Variants in UVRAG observed in about 807,000 individuals in gnomAD.
The protein encoded by UVRAG is UV radiation resistance-associated gene protein.
In UVRAG, 19 loss-of-function variants were observed where a neutral mutation model predicts 78.0. The ratio of observed to expected loss-of-function variants is 0.24; its 90% CI spans 0.17 to 0.36. UVRAG has a LOEUF of 0.36. Among genes scored for constraint, UVRAG ranks in the 10% least tolerant of loss-of-function variants. UVRAG has a pLI of 1.00. For missense variants in UVRAG, 740 were observed against 853.8 expected, an observed-to-expected ratio of 0.87 and a Z score of 1.66; for synonymous variants, 323 against 324.6, an observed-to-expected ratio of 1.00 and a Z score of 0.05.
intron 6 of UVRAG, chr11:75,916,121 C>T (rs1481768919): frequency 6.6e-6 from 1 of 151,892 alleles, no homozygotes; most frequent in Non-Finnish European, 1.5e-5. Context: ...TTTTTTTCCC[C>T]TTCTTCTTCA....
chr11:76,116,582 GGA>G (rs1952184580), intron 14 of UVRAG, among the ~76,000 whole-genome samples: 1 of 152,210 alleles, frequency 6.6e-6, no homozygotes, highest in African/African-American at 2.4e-5. Context: ...GAAAAGAGAA[GGA>G]GAGAGGGGAA....
intron 3 of UVRAG, among the ~76,000 whole-genome samples, chr11:75,870,672 A>G (rs1306385408): frequency 6.6e-6 from 1 of 152,214 alleles, no homozygotes; most frequent in Non-Finnish European, 1.5e-5. Flanking sequence ...GACATACATC[A>G]GGAAGAGATG....
chr11:75,939,976 A>G (rs1948451355), intron 6 of UVRAG, among the ~76,000 whole-genome samples: 1 of 152,212 alleles, frequency 6.6e-6, no homozygotes, highest in Non-Finnish European at 1.5e-5. Context: ...ACACTATACC[A>G]AAAACTTAAA....
At chr11:76,061,570 A>G (rs1028608879) in intron 12 of UVRAG, among the ~76,000 whole-genome samples, 2 of 151,962 alleles carry the variant, frequency 1.3e-5, no homozygotes, top group African/African-American at 2.4e-5. Context: ...GAGACCACGA[A>G]CCCACCGGGA....
At chr11:75,950,840 G>A (rs1190012821) in intron 6 of UVRAG, among the ~76,000 whole-genome samples, 1 of 151,914 alleles carries the variant, frequency 6.6e-6, no homozygotes, top group Non-Finnish European at 1.5e-5. Flanking sequence ...GCTCATTCTT[G>A]TATCTTATTT....
intron 1 of UVRAG, among the ~76,000 whole-genome samples, chr11:75,825,315 A>T (rs1412376979): frequency 6.6e-6 from 1 of 151,276 alleles, no homozygotes; most frequent in Admixed American, 6.6e-5. Flanking sequence ...GTTTCACCAC[A>T]TTGGCCAGAC....
intron 2 of UVRAG, among the ~76,000 whole-genome samples, chr11:75,855,693 G>A (rs935254140): frequency 6.6e-6 from 1 of 152,184 alleles, no homozygotes; most frequent in African/African-American, 2.4e-5. Context: ...CTGTTTAGTG[G>A]TAACATTTCT....
intron 13 of UVRAG, among the ~76,000 whole-genome samples, chr11:76,115,410 A>G (rs1451099318): frequency 6.6e-6 from 1 of 152,246 alleles, no homozygotes; most frequent in African/African-American, 2.4e-5. Flanking sequence ...TAAGCATTGA[A>G]TAAGTACCAG....
At chr11:75,828,446 A>AG in intron 1 of UVRAG, among the ~76,000 whole-genome samples, 1 of 92,552 alleles carries the variant, frequency 1.1e-5, no homozygotes, top group Non-Finnish European at 1.9e-5. Flanking sequence ...CCCATCTCTA[A>AG]AAAAAAAAAA....
At chr11:76,096,868 A>G (rs1385694030) in intron 13 of UVRAG, among the ~76,000 whole-genome samples, 1 of 152,156 alleles carries the variant, frequency 6.6e-6, no homozygotes, top group Non-Finnish European at 1.5e-5. Context: ...GCCTCATCCA[A>G]ATGAAGCCTT....
intron 6 of UVRAG, among the ~76,000 whole-genome samples, chr11:75,945,609 C>G (rs531453520): frequency 6.6e-6 from 1 of 151,994 alleles, no homozygotes; most frequent in Non-Finnish European, 1.5e-5. Context: ...ATCTCGTGGT[C>G]AGGCCTCCAA....
At chr11:75,815,769 G>A (rs1945250959) in intron 1 of UVRAG, among the ~76,000 whole-genome samples, 1 of 152,158 alleles carries the variant, frequency 6.6e-6, no homozygotes, top group African/African-American at 2.4e-5. Context: ...GGGACAAGCA[G>A]CCAGCCAGCT....
intron 3 of UVRAG, among the ~76,000 whole-genome samples, chr11:75,869,592 A>G (rs1282054082): frequency 6.6e-6 from 1 of 152,242 alleles, no homozygotes; most frequent in African/African-American, 2.4e-5. Flanking sequence ...ACAAATCAAC[A>G]CATGGAATTA....
intron 12 of UVRAG, among the ~76,000 whole-genome samples, chr11:76,020,546 T>TGG (rs1565123257): frequency 6.6e-6 from 1 of 151,468 alleles, no homozygotes; most frequent in Non-Finnish European, 1.5e-5. Flanking sequence ...GGGCCTGGAA[T>TGG]GGGGGCCTCA....
chr11:76,091,872 A>G (rs1050663725), intron 13 of UVRAG, among the ~76,000 whole-genome samples: 1 of 151,976 alleles, frequency 6.6e-6, no homozygotes, highest in South Asian at 2.1e-4. Flanking sequence ...TCTAGGGTAC[A>G]TGTCCACAAC....
At chr11:75,859,432 AC>A (rs1225744365) in intron 2 of UVRAG, among the ~76,000 whole-genome samples, 1 of 152,044 alleles carries the variant, frequency 6.6e-6, no homozygotes, top group African/African-American at 2.4e-5. Flanking sequence ...ATGGAAAAAA[AC>A]TAAACAATTT....
intron 7 of UVRAG, among the ~76,000 whole-genome samples, chr11:75,974,556 T>C (rs7131547): frequency 0.52 from 77,833 of 149,532 alleles, 21,877 homozygotes; most frequent in African/African-American, 0.75. Context: ...TTAGTAGAGA[T>C]GGGGTTTCAC....
chr11:76,046,581 A>G (rs1950761360), intron 12 of UVRAG, among the ~76,000 whole-genome samples: 1 of 152,230 alleles, frequency 6.6e-6, no homozygotes, highest in Non-Finnish European at 1.5e-5. Flanking sequence ...TGGTTATAAT[A>G]CTGTAATGTT....
At chr11:75,937,558 C>A (rs1308015415) in intron 6 of UVRAG, among the ~76,000 whole-genome samples, 24 of 152,018 alleles carry the variant, frequency 1.6e-4, no homozygotes, top group Non-Finnish European at 1.0e-4. Flanking sequence ...TCTTTTAATT[C>A]TTTAAAGATG....
Sources: gnomAD v4.1 joint callset for allele counts (sites outside exome capture counted in the v4.1 genomes callset) on GRCh38, gnomAD v4.1.1 for gene constraint, MANE v1.5 for transcripts, NCBI Gene and HGNC (gene_info 2026-07-23, HGNC 2026-07-21) for gene names.